Variants in ZNF12 observed in about 807,000 individuals in gnomAD.
ZNF12 encodes the protein zinc finger protein 12.
ZNF12 carries 34 observed loss-of-function variants against 66.6 expected under a neutral mutation model. The ratio of observed to expected loss-of-function variants is 0.51; its 90% confidence interval spans 0.39 to 0.68. The LOEUF is 0.68. ZNF12 is among the 30% of genes least tolerant of loss of function. The pLI is 0.00. For missense variants in ZNF12, 697 were observed against 826.9 expected, an observed-to-expected ratio of 0.84 and a Z score of 1.93; for synonymous variants, 320 against 278.9, an observed-to-expected ratio of 1.15 and a Z score of -1.47.
At chr7:6,703,039 T>TACACAC (rs10548883) in intron 2 of ZNF12, among the ~76,000 whole-genome samples, 181 of 133,686 alleles carry the variant, frequency 1.4e-3, no homozygotes, top group Middle Eastern at 8.7e-3. Context: ...GCTCCCAAAC[T>TACACAC]ACACACACAC....
Position 6,705,196 on chromosome 7 carries a change from C to G in ZNF12, c.-23G>C, listed in dbSNP as rs975103384. ...CATTTTCTGCTGCTCTTGGAAAAAT[C>G]TGGAGGACTGTGAAAGCGGAGGCAG... On this transcript the variant is annotated 5_prime_UTR_variant, in exon 2 of 5. Transcript: ENST00000405858. The surrounding 1 kb of genome is among the most constrained non-coding windows in gnomAD (Gnocchi z 4.0). 12 of 1,613,468 alleles carry G rather than the reference C, an allele frequency of 7.4e-6. No individual in the cohort carries two copies. Among genetic ancestry groups the G allele is most frequent in the East Asian group, 2.2e-5 (1 of 44,870 alleles).
chr7:6,701,095 A>C (rs756790493), intron 2 of ZNF12, among the ~76,000 whole-genome samples: 3 of 152,160 alleles, frequency 2.0e-5, no homozygotes, highest in Non-Finnish European at 4.4e-5. Context: ...CTTCTGCCTC[A>C]GCCTTCCAAA....
Position 6,705,334 on chromosome 7 carries a change from G to A in ZNF12, c.-50-111C>T, listed in dbSNP as rs945819667. 1 of 733,388 alleles carries A rather than the reference G, an allele frequency of 1.4e-6. No individual in the cohort carries two copies. The highest frequency in any genetic ancestry group is 2.3e-6 in the Non-Finnish European group (1 of 442,854). The allele number at this position is 733,388 out of a possible 1,614,324, so 45.4% of individuals were successfully genotyped here. ...GTTCCAAGAAGTACATCTTGTGGGAGACTGTCCCTTTAAGCCTTCAGAAGG... is the reference window on the plus strand; with the variant it reads ...GTTCCAAGAAGTACATCTTGTGGGAAACTGTCCCTTTAAGCCTTCAGAAGG... On this transcript the variant is annotated intron_variant, in intron 1 of 4. Coordinates refer to ENST00000405858, the MANE Select transcript of ZNF12 (RefSeq NM_016265.4). The surrounding 1 kb of genome is among the most constrained non-coding windows in gnomAD (Gnocchi z 4.0).
In ZNF12 at chr7:6,690,993, A is replaced by G. The variant is rs754262571; in HGVS notation, c.1949T>C (p.Val650Ala). The G allele has an allele frequency of 6.2e-7, 1 of 1,614,170 alleles. No individual in the cohort carries two copies. Residue 650 changes from valine (V) to alanine (A), a missense_variant, in exon 5 of 5, where the codon GTA becomes GCA. Transcript: ENST00000405858. ...CTCTCCTGAATGAGTTCTATAATGT[A>G]CAGTGAGGTATGACATCCGAGAGAA... is the stretch of plus-strand genomic sequence containing the variant. ...KAFSRMSYLT[V>A]HYRTHSGEKP...
At position 6,705,365 on chromosome 7, in the gene ZNF12, G is replaced by C. The variant is rs761705461; in HGVS notation, c.-50-142C>G. On this transcript the variant is annotated intron_variant, in intron 1 of 4. Coordinates refer to ENST00000405858, the MANE Select transcript of ZNF12 (RefSeq NM_016265.4). The surrounding 1 kb of genome is among the most constrained non-coding windows in gnomAD (Gnocchi z 4.0). Reference sequence around the variant, plus strand: ...CCCTTTAAGCCTTCAGAAGGGATTGGAAAATGATCAGGAGGGGGACCGATC... The same window carrying C: ...CCCTTTAAGCCTTCAGAAGGGATTGCAAAATGATCAGGAGGGGGACCGATC... 2.7e-4 allele frequency: 161 copies of C among 602,994 alleles called. No homozygotes were observed. The highest frequency in any genetic ancestry group is 4.1e-4 in the Non-Finnish European group (143 of 344,614). The allele number at this position is 602,994 out of a possible 1,614,324, so 37.4% of individuals were successfully genotyped here. A position where few individuals can be genotyped will look rare whatever the true frequency, so the allele number is the denominator to read the frequency against.
rs779303590 is a variant in ZNF12 at position 6,705,204 on chromosome 7, CTG to C, written c.-33_-32del. The C allele has an allele frequency of 6.2e-6, 10 of 1,613,424 alleles. No individual in the cohort carries two copies. The highest frequency in any genetic ancestry group is 8.5e-6 in the Non-Finnish European group (10 of 1,179,670). The stretch of plus-strand genomic sequence containing the variant: ...GCTGCTCTTGGAAAAATCTGGAGGA[CTG>C]TGAAAGCGGAGGCAGATCTGGGGAA... On this transcript the variant is annotated 5_prime_UTR_variant, in exon 2 of 5. Transcript: ENST00000405858. The surrounding 1 kb of genome is among the most constrained non-coding windows in gnomAD (Gnocchi z 4.0).
rs1167904795 is a variant in ZNF12 at position 6,691,039 on chromosome 7, A to C, written c.1903T>G (p.Cys635Gly). The change falls in exon 5 of 5, where the codon TGT (cysteine) becomes GGT (glycine). Residue 635 changes from cysteine (C) to glycine (G), a missense_variant. Physicochemically the swap from Cys to Gly is radical, Grantham distance 159. Around this residue, in one of 3 missense-constraint regions of ZNF12, gnomAD observed 401 missense variants for 519.0 expected, o/e 0.77. Coordinates refer to ENST00000405858, the MANE Select transcript of ZNF12 (RefSeq NM_016265.4). ...RIHSGEKPFE[C>G]NECGKAFSRM... ...GAGAAGGCTTTTCCACACTCATTAC[A>C]TTCAAAGGGTTTCTCTCCTGAATGA... The C allele has an allele frequency of 1.2e-6, 2 of 1,614,140 alleles. No individual in the cohort carries two copies. Among genetic ancestry groups the C allele is most frequent in the Non-Finnish European group, 1.7e-6 (2 of 1,180,010 alleles).
At chr7:6,703,999 T>G (rs572350638) in intron 2 of ZNF12, among the ~76,000 whole-genome samples, 1 of 152,322 alleles carries the variant, frequency 6.6e-6, no homozygotes, top group Non-Finnish European at 1.5e-5. Flanking sequence ...TTATGGTCCT[T>G]TCTGCTGTGC....
chr7:6,704,654 C>T (rs1583469429), intron 2 of ZNF12, among the ~76,000 whole-genome samples: 1 of 129,170 alleles, frequency 7.7e-6, no homozygotes. Context: ...GCAGGAGAAT[C>T]ACTTGAACCT....
At position 6,692,783 on chromosome 7, in the gene ZNF12, A is replaced by T; in HGVS notation, c.239-80T>A. 1 of 1,352,776 alleles carries T rather than the reference A, an allele frequency of 7.4e-7. No individual in the cohort carries two copies. Among genetic ancestry groups the T allele is most frequent in the Non-Finnish European group, 1.0e-6 (1 of 1,001,220 alleles). 83.8% of individuals were successfully genotyped at this position (1,352,776 alleles called of 1,614,324 possible). A position where few individuals can be genotyped will look rare whatever the true frequency, so the allele number is the denominator to read the frequency against. Reference sequence around the variant, plus strand: ...ATGGAATGAGATTCATGATTTGTACACACGCATCTCATTGTGAGTAGATGC... The same window carrying T: ...ATGGAATGAGATTCATGATTTGTACTCACGCATCTCATTGTGAGTAGATGC... On this transcript the variant is annotated intron_variant, in intron 4 of 4. Coordinates refer to ENST00000405858, the MANE Select transcript of ZNF12 (RefSeq NM_016265.4). This position sits in a 1 kb window ranked among gnomAD's most constrained non-coding sequence, Gnocchi z 5.1.
chr7:6,693,098 C>G (rs1241314554), intron 4 of ZNF12, among the ~76,000 whole-genome samples: 1 of 152,136 alleles, frequency 6.6e-6, no homozygotes, highest in Non-Finnish European at 1.5e-5. Flanking sequence ...CAAGGAGGGT[C>G]ATAAGATGTA....
Position 6,691,471 on chromosome 7 carries a change from T to C in ZNF12, c.1471A>G (p.Lys491Glu). Residue 491 changes from lysine to glutamate, a missense_variant, in exon 5 of 5, where the codon AAA becomes GAA. Around this residue, in one of 3 missense-constraint regions of ZNF12, gnomAD observed 401 missense variants for 519.0 expected, o/e 0.77. Transcript: ENST00000405858. ...MRHQRVHTGE[K>E]PYECNECGKL... is the part of the protein sequence containing the mutation. The stretch of plus-strand genomic sequence containing the variant: ...CCACATTCATTACATTCGTAAGGTT[T>C]CTCTCCTGTGTGCACTCTCTGATGT... 1.9e-6 allele frequency: 3 copies of C among 1,614,164 alleles called. No individual in the cohort carries two copies. The highest frequency in any genetic ancestry group is 2.5e-6 in the Non-Finnish European group (3 of 1,180,002).
At position 6,702,958 on chromosome 7, in the gene ZNF12, A is replaced by AAC. The variant is rs143823177; in HGVS notation, c.15+2199_15+2200dup. Among the ~76,000 whole-genome samples the AAC allele has an allele frequency of 2.8e-3, 287 of 100,838 alleles. 11 individuals are homozygous for AAC. Among genetic ancestry groups the AAC allele is most frequent in the African/African-American group, 9.8e-3 (186 of 18,996 alleles). The allele number at this position is 100,838 out of a possible 152,430, so 66.2% of individuals were successfully genotyped here. On this transcript the variant is annotated intron_variant, in intron 2 of 4. Transcript: ENST00000405858. ...CACACACACCAGATTCGTGTCCCAA[A>AAC]ACACACACACACACACACACACCTG...
Position 6,697,817 on chromosome 7 carries a change from A to C in ZNF12, c.16-6T>G, listed in dbSNP as rs1203166101. Reference sequence around the variant, plus strand: ...TCCTTGAATGACACTGGCCCCTGAAATGGCACCGTGATTGGAATTGGGTGA... The same window carrying C: ...TCCTTGAATGACACTGGCCCCTGAACTGGCACCGTGATTGGAATTGGGTGA... On this transcript the variant is annotated splice_polypyrimidine_tract_variant and splice_region_variant and intron_variant, in intron 2 of 4. Transcript: ENST00000405858. The surrounding 1 kb of genome is among the most constrained non-coding windows in gnomAD (Gnocchi z 6.1). 6.2e-7 allele frequency: 1 copy of C among 1,613,994 alleles called. No homozygotes were observed. The highest frequency in any genetic ancestry group is 8.5e-7 in the Non-Finnish European group (1 of 1,180,044).
In ZNF12 at chr7:6,689,974, T is replaced by C. The variant is rs1050470708; in HGVS notation, c.*874A>G. ...TAGAGTGCAATGATTTTCTCACTCT[T>C]GGAAAACTGGCATTATTAATTTTAA... is the stretch of plus-strand genomic sequence containing the variant. On this transcript the variant is annotated 3_prime_UTR_variant, in exon 5 of 5. Transcript: ENST00000405858. 1.3e-5 allele frequency: 2 copies of C among 149,466 alleles called. No homozygotes were observed. The allele number at this position is 149,466 out of a possible 1,614,324, so 9.3% of individuals were successfully genotyped here.
At position 6,697,830 on chromosome 7, in the gene ZNF12, T is replaced by C; in HGVS notation, c.16-19A>G. On this transcript the variant is annotated intron_variant, in intron 2 of 4. Transcript: ENST00000405858. The surrounding 1 kb of genome is among the most constrained non-coding windows in gnomAD (Gnocchi z 6.1). ...CTGGCCCCTGAAATGGCACCGTGAT[T>C]GGAATTGGGTGACGTGAAATAGGCA... The C allele has an allele frequency of 6.2e-7, 1 of 1,614,000 alleles. No homozygotes were observed. The highest frequency in any genetic ancestry group is 8.5e-7 in the Non-Finnish European group (1 of 1,180,022).
In ZNF12 at chr7:6,688,502, A is replaced by C. The variant is rs1407493443; in HGVS notation, c.*2346T>G. 7 of 152,266 alleles carry C rather than the reference A, an allele frequency of 4.6e-5. No individual in the cohort carries two copies. Among genetic ancestry groups the C allele is most frequent in the African/African-American group, 1.7e-4 (7 of 41,464 alleles). 9.4% of individuals were successfully genotyped at this position (152,266 alleles called of 1,614,324 possible). A position where few individuals can be genotyped will look rare whatever the true frequency, so the allele number is the denominator to read the frequency against. ...TAATGTATAATGACACACCAGTGTG[A>C]GAAACCTCCATAGGTATCATTTCCA... On this transcript the variant is annotated 3_prime_UTR_variant, in exon 5 of 5. Transcript: ENST00000405858. The surrounding 1 kb of genome is among the most constrained non-coding windows in gnomAD (Gnocchi z 4.3).
At chr7:6,699,945 T>C (rs1336976641) in intron 2 of ZNF12, among the ~76,000 whole-genome samples, 1 of 152,188 alleles carries the variant, frequency 6.6e-6, no homozygotes, top group Non-Finnish European at 1.5e-5. Flanking sequence ...ATTTTCGATT[T>C]TTTTTTAAAT....
In ZNF12 at chr7:6,705,096, A is replaced by T; in HGVS notation, c.15+63T>A. The T allele has an allele frequency of 6.4e-7, 1 of 1,572,030 alleles. No homozygotes were observed. The highest frequency in any genetic ancestry group is 8.7e-7 in the Non-Finnish European group (1 of 1,155,182). On this transcript the variant is annotated intron_variant, in intron 2 of 4. Coordinates refer to ENST00000405858, the MANE Select transcript of ZNF12 (RefSeq NM_016265.4). This position sits in a 1 kb window ranked among gnomAD's most constrained non-coding sequence, Gnocchi z 4.0. The stretch of plus-strand genomic sequence containing the variant: ...TCCCATTTTAAACTTTGAACCCTTA[A>T]TCTCCTCCTAAGGTGTATTGTAAAT...
Sources: allele counts gnomAD v4.1 joint callset (sites outside exome capture counted in the v4.1 genomes callset), GRCh38; gene constraint gnomAD v4.1.1; regional missense constraint gnomAD v4.1.1; non-coding constraint Gnocchi (gnomAD v3.1); transcripts MANE v1.5; gene names NCBI Gene and HGNC (gene_info 2026-07-23, HGNC 2026-07-21).